Variants in UTS2 observed in about 807,000 individuals in gnomAD.
UTS2 encodes the protein urotensin 2.
UTS2 carries 10 observed loss-of-function variants against 12.6 expected under a neutral mutation model. The observed-to-expected ratio is 0.80, with a 90% CI of 0.49 to 1.35. UTS2 has a LOEUF of 1.35. UTS2 is among the 40% of genes most tolerant of loss of function. UTS2 has a pLI of 0.00. For missense variants in UTS2, 142 were observed against 143.2 expected (o/e 0.99, Z 0.04); for synonymous variants, 52 against 50.0 (o/e 1.04, Z -0.17).
the UTS2 span, among the ~76,000 whole-genome samples, chr1:7,905,174 G>A: frequency 2.1e-5 from 3 of 145,990 alleles, no homozygotes; most frequent in Admixed American, 6.9e-5. Context: ...GACAGAGTTC[G>A]CTCTTGTTGC....
the UTS2 span, among the ~76,000 whole-genome samples, chr1:7,896,410 T>A: frequency 6.6e-6 from 1 of 152,192 alleles, no homozygotes; most frequent in East Asian, 1.9e-4. Flanking sequence ...TAACTGAGCA[T>A]TAATCTTATA....
the UTS2 span, among the ~76,000 whole-genome samples, chr1:7,889,793 G>A: frequency 0.018 from 2,808 of 152,192 alleles, 82 homozygotes; most frequent in African/African-American, 0.064. Flanking sequence ...TTGGCCGGGC[G>A]CAGTGGCTCA....
Position 7,852,902 on chromosome 1 carries a change from T to G in UTS2, c.102A>C (p.Ser34=), listed in dbSNP as rs1404653209. The G allele has an allele frequency of 6.2e-7, 1 of 1,601,292 alleles. No individual in the cohort carries two copies. The highest frequency in any genetic ancestry group is 8.5e-7 in the Non-Finnish European group (1 of 1,176,148). ...ATAAGGGGAAAAAAAAAATCTTACC[T>G]GAGAGTTGAAAGGATATTTCCCTGG... ...LDSREISFQL[S]APHEDARLTP... The change falls in exon 1 of 4, where the codon TCA becomes TCC. Residue 34 remains serine, a splice_region_variant and synonymous_variant. Coordinates refer to ENST00000361696, the MANE Select transcript of UTS2 (RefSeq NM_006786.4).
chr1:7,848,106 A>G (rs1448917716), intron 3 of UTS2, among the ~76,000 whole-genome samples: 1 of 152,100 alleles, frequency 6.6e-6, no homozygotes. Flanking sequence ...TGTTCAGCCC[A>G]GCGATTGTCC....
chr1:7,854,022 G>A (rs11121036), upstream of UTS2, among the ~76,000 whole-genome samples: 17,082 of 152,176 alleles, frequency 0.11, 1,267 homozygotes, highest in South Asian at 0.21. Flanking sequence ...TTGAGTTTAG[G>A]ATTTCAAGAC....
the UTS2 span, among the ~76,000 whole-genome samples, chr1:7,908,039 G>GC: frequency 1 from 152,130 of 152,134 alleles, 76,063 homozygotes; most frequent in Non-Finnish European, 1. Context: ...TGGTGCTCAT[G>GC]CTGTAATCCC....
chr1:7,863,031 TTGTATTG>T, the UTS2 span, among the ~76,000 whole-genome samples: 432 of 30,048 alleles, frequency 0.014, 18 homozygotes, highest in South Asian at 0.036. Context: ...TTGTATTGTA[TTGTATTG>T]TATTGTATTG....
the UTS2 span, among the ~76,000 whole-genome samples, chr1:7,870,157 G>A: frequency 9.9e-5 from 15 of 152,258 alleles, no homozygotes; most frequent in African/African-American, 2.9e-4. Context: ...TCTAACCCCC[G>A]GTACCTTCAA....
At chr1:7,850,768 T>G (rs773963465) in intron 2 of UTS2, 44 bp downstream of exon 2, 1 of 1,583,856 alleles carries the variant, frequency 6.3e-7, no homozygotes, top group East Asian at 2.2e-5. Flanking sequence ...GTAAGTTCAG[T>G]AGCAATTAAA....
At chr1:7,875,450 C>T in the UTS2 span, among the ~76,000 whole-genome samples, 4 of 152,144 alleles carry the variant, frequency 2.6e-5, no homozygotes, top group Non-Finnish European at 5.9e-5. Context: ...GCCTGGGGAC[C>T]GGCTTGCCTG....
the UTS2 span, among the ~76,000 whole-genome samples, chr1:7,905,114 C>CT: frequency 3.3e-5 from 5 of 149,470 alleles, no homozygotes; most frequent in South Asian, 2.1e-4. Context: ...GTGAGGGTAT[C>CT]TTTTTTTTAT....
chr1:7,853,060 T>C lies in UTS2; in HGVS notation c.-57A>G. 1 of 1,580,738 alleles carries C rather than the reference T, an allele frequency of 6.3e-7. No individual in the cohort carries two copies. The highest frequency in any genetic ancestry group is 8.6e-7 in the Non-Finnish European group (1 of 1,168,314). ...GCTTCTGTTGTAGAGAACTTTCAAC[T>C]GTCTCCTCATTCTGCCTGCTCACTG... On this transcript the variant is annotated 5_prime_UTR_variant, in exon 1 of 4. Coordinates refer to ENST00000361696, the MANE Select transcript of UTS2 (RefSeq NM_006786.4).
At chr1:7,860,280 A>G in the UTS2 span, among the ~76,000 whole-genome samples, 13 of 152,224 alleles carry the variant, frequency 8.5e-5, no homozygotes, top group East Asian at 2.5e-3. Context: ...GCTTGCAGGA[A>G]ACGTGGAGAG....
the UTS2 span, among the ~76,000 whole-genome samples, chr1:7,906,184 T>C: frequency 6.6e-6 from 1 of 152,112 alleles, no homozygotes. Flanking sequence ...TTCATAAAAT[T>C]TGTGAAGAAG....
the UTS2 span, among the ~76,000 whole-genome samples, chr1:7,867,684 T>C: frequency 6.6e-6 from 1 of 152,116 alleles, no homozygotes; most frequent in African/African-American, 2.4e-5. Context: ...GAGACCAGCC[T>C]GGCCAACATG....
chr1:7,863,022 TG>T, the UTS2 span, among the ~76,000 whole-genome samples: 2 of 24,784 alleles, frequency 8.1e-5, no homozygotes, highest in African/African-American at 2.4e-4. Flanking sequence ...TGTATTGTAT[TG>T]TATTGTATTG....
the UTS2 span, among the ~76,000 whole-genome samples, chr1:7,884,394 C>T: frequency 7.3e-5 from 11 of 151,298 alleles, no homozygotes; most frequent in African/African-American, 1.7e-4. Flanking sequence ...CTTGACCTTC[C>T]GGATTCAAAT....
chr1:7,847,730 G>GTGTT lies in UTS2; in HGVS notation c.*32_*35dup. On this transcript the variant is annotated 3_prime_UTR_variant, in exon 4 of 4. Transcript: ENST00000361696. ...TGTTATTTTTCATATTCTAAGATGG[G>GTGTT]TGTTTCTGAGCTGACTAACAGATGC... is the stretch of plus-strand genomic sequence containing the variant. 1 of 1,467,790 alleles carries GTGTT rather than the reference G, an allele frequency of 6.8e-7. No homozygotes were observed. The highest frequency in any genetic ancestry group is 9.5e-7 in the Non-Finnish European group (1 of 1,057,294). The allele number at this position is 1,467,790 out of a possible 1,614,324, so 90.9% of individuals were successfully genotyped here. A position where few individuals can be genotyped will look rare whatever the true frequency, so the allele number is the denominator to read the frequency against.
chr1:7,874,791 A>G, the UTS2 span, among the ~76,000 whole-genome samples: 1 of 152,214 alleles, frequency 6.6e-6, no homozygotes, highest in Admixed American at 6.5e-5. Context: ...GTGGGAGGTC[A>G]TTGGATTACA....
Sources: gnomAD v4.1 joint callset for allele counts (sites outside exome capture counted in the v4.1 genomes callset) on GRCh38, gnomAD v4.1.1 for gene constraint, MANE v1.5 for transcripts, NCBI Gene and HGNC (gene_info 2026-07-23, HGNC 2026-07-21) for gene names.